The following PHGR1 variants were observed in gnomAD, a reference collection of about 807,000 sequenced individuals.
PHGR1 encodes the protein proline, histidine and glycine-rich protein 1.
PHGR1 carries 3 observed loss-of-function variants against 4.9 expected under a neutral mutation model. The ratio of observed to expected loss-of-function variants is 0.61; its 90% CI spans 0.28 to 1.58. The LOEUF (loss-of-function observed/expected upper bound fraction) is 1.58, where lower values mean the gene tolerates loss of function less well. Ranked by LOEUF, PHGR1 falls within the 40% of genes most tolerant of loss-of-function variation. PHGR1 has a pLI of 0.11. For missense variants in PHGR1, 81 were observed against 118.7 expected (o/e 0.68, Z 1.48); for synonymous variants, 32 against 46.1 (o/e 0.69, Z 1.24).
At chr15:40,353,174 AGAAAG>A in intron 1 of PHGR1, 53 bp from the exon 2 acceptor site, 1 of 1,500,546 alleles carries the variant, frequency 6.7e-7, no homozygotes, top group Non-Finnish European at 9.1e-7. Context: ...CGTGGGAGGG[AGAAAG>A]GAAAGACTGC....
Position 40,356,257 on chromosome 15 carries a change from C to T in PHGR1, c.203C>T (p.Pro68Leu). 3 of 1,548,760 alleles carry T rather than the reference C, an allele frequency of 1.9e-6. No homozygotes were observed. Among genetic ancestry groups the T allele is most frequent in the Non-Finnish European group, 2.6e-6 (3 of 1,146,142 alleles). The change falls in exon 4 of 4, where the codon CCC becomes CTC. Residue 68 changes from proline (P) to leucine (L), a missense_variant. Pro to Leu is a moderately conservative substitution (Grantham distance 98). Coordinates refer to ENST00000448599, the MANE Select transcript of PHGR1 (RefSeq NM_001145643.2). ...CATGGTCCAGGGCCCTGCGGGCCTC[C>T]CCCTGGCCATGGCCCAGGTCACCCA... ...PHHGPGPCGP[P>L]PGHGPGHPPP...
intron 1 of PHGR1, among the ~76,000 whole-genome samples, chr15:40,352,129 G>C (rs933707058): frequency 6.6e-6 from 1 of 152,134 alleles, no homozygotes; most frequent in Non-Finnish European, 1.5e-5. Context: ...CTTGAACCCT[G>C]GAGGTCGAGG....
chr15:40,353,134 T>A, intron 1 of PHGR1, 98 bp from the exon 2 acceptor site: 2 of 910,828 alleles, frequency 2.2e-6, no homozygotes, highest in Non-Finnish European at 3.4e-6. Context: ...TGTGTGTGTG[T>A]GTGTGTGTGT....
At chr15:40,355,353 G>A (rs780864153) in intron 3 of PHGR1, among the ~76,000 whole-genome samples, 19 of 151,924 alleles carry the variant, frequency 1.3e-4, no homozygotes, top group East Asian at 1.9e-4. Context: ...GTATGAGCTC[G>A]CACATACTCA....
intron 3 of PHGR1, among the ~76,000 whole-genome samples, chr15:40,355,703 C>A (rs1027470733): frequency 1.3e-5 from 2 of 152,168 alleles, no homozygotes; most frequent in African/African-American, 4.8e-5. Flanking sequence ...AATGAGCCTG[C>A]AGTTCCTAGC....
intron 1 of PHGR1, 68 bp from the exon 2 acceptor site, chr15:40,353,164 C>T (rs1019609500): frequency 5.2e-5 from 72 of 1,372,462 alleles, no homozygotes; most frequent in East Asian, 3.3e-4. Context: ...CGCGCGCATC[C>T]GTGGGAGGGA....
At chr15:40,351,217 A>C (rs758742418) in intron 1 of PHGR1, among the ~76,000 whole-genome samples, 155 bp downstream of exon 1, 1 of 151,684 alleles carries the variant, frequency 6.6e-6, no homozygotes, top group Non-Finnish European at 1.5e-5. Flanking sequence ...GTGTCTGTCC[A>C]TTTGCACTGT....
At chr15:40,354,450 C>T (rs1342713594) in intron 3 of PHGR1, 98 bp downstream of exon 3, 28 of 1,379,782 alleles carry the variant, frequency 2.0e-5, no homozygotes, top group Admixed American at 6.8e-5. Context: ...GCAGCCACCA[C>T]TTCCCCCAAA....
intron 1 of PHGR1, 29 bp from the exon 2 acceptor site, chr15:40,353,198 TTACAG>T (rs1889236516): frequency 6.5e-7 from 1 of 1,544,400 alleles, no homozygotes; most frequent in African/African-American, 1.4e-5. Context: ...GCAATTTAGA[TTACAG>T]TAAATTAAAA....
At chr15:40,353,200 A>G in intron 1 of PHGR1, 32 bp from the exon 2 acceptor site, 1 of 1,544,284 alleles carries the variant, frequency 6.5e-7, no homozygotes, top group Non-Finnish European at 8.8e-7. Flanking sequence ...AATTTAGATT[A>G]CAGTAAATTA....
chr15:40,353,125 GTGTGTGTGT>G, intron 1 of PHGR1, 98 bp from the exon 2 acceptor site: 1 of 829,774 alleles, frequency 1.2e-6, no homozygotes, highest in Non-Finnish European at 1.9e-6. Context: ...GTGTGTGTGT[GTGTGTGTGT>G]GTGTGTGTGT....
At chr15:40,352,101 G>C (rs979737617) in intron 1 of PHGR1, among the ~76,000 whole-genome samples, 2 of 152,156 alleles carry the variant, frequency 1.3e-5, no homozygotes, top group East Asian at 3.9e-4. Context: ...TACTCCAGAG[G>C]TTAAGGTGGG....
At chr15:40,351,727 T>G (rs1889209730) in intron 1 of PHGR1, among the ~76,000 whole-genome samples, 1 of 151,898 alleles carries the variant, frequency 6.6e-6, no homozygotes, top group Non-Finnish European at 1.5e-5. Flanking sequence ...TAGTGAGACC[T>G]TGTCTCTACA....
rs775299127 is a variant in PHGR1, at chr15:40,356,087, T to TG, written c.39dup (p.His14AlafsTer73). 3.1e-5 allele frequency: 48 copies of TG among 1,549,546 alleles called. No individual in the cohort carries two copies. ...ACTTTCCACAGGGGCACTGCCACTGTGGGGGGCATGGCCATCCTCCAGGTC... is the reference window on the plus strand; with the variant it reads ...ACTTTCCACAGGGGCACTGCCACTGTGGGGGGGCATGGCCATCCTCCAGGTC... On this transcript the variant is annotated frameshift_variant, in exon 4 of 4. Coordinates refer to ENST00000448599, the MANE Select transcript of PHGR1 (RefSeq NM_001145643.2). LOFTEE classifies it low-confidence loss of function (END_TRUNC).
chr15:40,356,024 G>A (rs1250026290), intron 3 of PHGR1, 49 bp from the exon 4 acceptor site: 2 of 1,529,458 alleles, frequency 1.3e-6, no homozygotes, highest in East Asian at 2.5e-5. Context: ...TCTCAGGTAA[G>A]CTTAGCCCTG....
At chr15:40,354,604 G>A (rs756699938) in intron 3 of PHGR1, among the ~76,000 whole-genome samples, 3 of 151,914 alleles carry the variant, frequency 2.0e-5, no homozygotes, top group Non-Finnish European at 4.4e-5. Context: ...CTTTCCTCAC[G>A]TCCCCTCCCT....
chr15:40,353,946 G>C (rs1889249168), intron 2 of PHGR1, among the ~76,000 whole-genome samples: 1 of 152,212 alleles, frequency 6.6e-6, no homozygotes, highest in South Asian at 2.1e-4. Flanking sequence ...GCGTGACAGG[G>C]GCAGAGGACA....
In PHGR1 at chr15:40,356,117, C is replaced by G; in HGVS notation, c.63C>G (p.Cys21Trp). The change falls in exon 4 of 4, where the codon TGC becomes TGG. Residue 21 changes from cysteine (C) to tryptophan (W), a missense_variant. Transcript: ENST00000448599. ...GGCATGGCCATCCTCCAGGTCACTGCGGGCCACCCCCTGGCCATGGCCCAG... is the reference window on the plus strand; with the variant it reads ...GGCATGGCCATCCTCCAGGTCACTGGGGGCCACCCCCTGGCCATGGCCCAG... ...CGGHGHPPGHCGPPPGHGPGP... is the reference protein window; with the variant it reads ...CGGHGHPPGHWGPPPGHGPGP... 6.5e-7 allele frequency: 1 copy of G among 1,549,582 alleles called. No individual in the cohort carries two copies. Among genetic ancestry groups the G allele is most frequent in the South Asian group, 1.2e-5 (1 of 84,032 alleles).
At chr15:40,351,237 TG>T (rs976359962) in intron 1 of PHGR1, among the ~76,000 whole-genome samples, 175 bp downstream of exon 1, 3 of 152,174 alleles carry the variant, frequency 2.0e-5, no homozygotes, top group African/African-American at 7.2e-5. Context: ...TCCCCACTCC[TG>T]GGCTGGGCCC....
Sources: gnomAD v4.1 joint callset for allele counts (sites outside exome capture counted in the v4.1 genomes callset) on GRCh38, gnomAD v4.1.1 for gene constraint, MANE v1.5 for transcripts, NCBI Gene and HGNC (gene_info 2026-07-23, HGNC 2026-07-21) for gene names.